Variants in PLEKHA5 observed in about 807,000 individuals in gnomAD.
PLEKHA5 encodes pleckstrin homology domain containing A5, also known as pleckstrin homology domain-containing family A member 5.
A neutral mutation model predicts 181.9 loss-of-function variants in PLEKHA5; 55 were observed. That is an observed-to-expected ratio of 0.30 (90% CI 0.24 to 0.38). The LOEUF is 0.38. PLEKHA5 is among the 10% of genes least tolerant of loss of function. The pLI is 1.00. For synonymous variants in PLEKHA5, 535 were observed against 529.4 expected, an observed-to-expected ratio of 1.01 and a Z score of -0.15; for missense variants, 1,432 against 1,549.5, an observed-to-expected ratio of 0.92 and a Z score of 1.27.
At chr12:19,224,988 C>A (rs1163556999) in intron 3 of PLEKHA5, among the ~76,000 whole-genome samples, 1 of 152,100 alleles carries the variant, frequency 6.6e-6, no homozygotes, top group African/African-American at 2.4e-5. Context: ...CATAGCAAGA[C>A]CTCATCGCCA....
At chr12:19,168,378 T>C (rs369366915) in intron 3 of PLEKHA5, among the ~76,000 whole-genome samples, 319 of 152,298 alleles carry the variant, frequency 2.1e-3, no homozygotes, top group South Asian at 1.9e-3. Context: ...CTTCAGAGTT[T>C]GTATAACCAA....
At chr12:19,188,217 T>C (rs1055060356) in intron 3 of PLEKHA5, among the ~76,000 whole-genome samples, 2 of 152,214 alleles carry the variant, frequency 1.3e-5, no homozygotes, top group Non-Finnish European at 2.9e-5. Flanking sequence ...GTGTCCAGAC[T>C]AGAATTTTAC....
intron 23 of PLEKHA5, 23 bp downstream of exon 23, chr12:19,345,911 AT>A: frequency 8.3e-7 from 1 of 1,198,756 alleles, no homozygotes; most frequent in Non-Finnish European, 1.2e-6. Flanking sequence ...TGTTTTTCTA[AT>A]TATAAATTAC....
chr12:19,342,114 A>T lies in PLEKHA5; in HGVS notation c.2551-1209A>T, dbSNP rs147305824. 6.5e-3 allele frequency among the ~76,000 whole-genome samples: 995 copies of T among 152,306 alleles called. 10 individuals carry two copies. The highest frequency in any genetic ancestry group is 0.023 in the African/African-American group (943 of 41,568). On this transcript the variant is annotated intron_variant, in intron 21 of 31. Coordinates refer to ENST00000429027, the MANE Select transcript of PLEKHA5 (RefSeq NM_001256470.2). ...TATATTCTAATATCTATAGTCATTAATAACTGATACTCAGCCAAAGAAAGT... is the reference window on the plus strand; with the variant it reads ...TATATTCTAATATCTATAGTCATTATTAACTGATACTCAGCCAAAGAAAGT...
In PLEKHA5 at chr12:19,260,981, C is replaced by G. The variant is rs778794244; in HGVS notation, c.570C>G (p.Arg190=). ...CTGGCATGAAATTGTGGAAGAAACG[C>G]TGGTTTGTGCTTTCTGACCTTTGCC... is the stretch of plus-strand genomic sequence containing the variant. ...DSTGMKLWKK[R]WFVLSDLCLF... Residue 190 remains arginine, a synonymous_variant, in exon 7 of 32, where the codon CGC becomes CGG. Transcript: ENST00000429027. 7.5e-6 allele frequency: 12 copies of G among 1,600,760 alleles called. No homozygotes were observed. In the East Asian group the frequency reaches 2.7e-4, roughly 36 times the overall value.
At chr12:19,253,310 A>G (rs369222107) in intron 3 of PLEKHA5, among the ~76,000 whole-genome samples, 2 of 151,214 alleles carry the variant, frequency 1.3e-5, no homozygotes, top group South Asian at 2.1e-4. Context: ...CCTGACCTCA[A>G]GTGATCCACC....
intron 3 of PLEKHA5, among the ~76,000 whole-genome samples, chr12:19,185,750 G>A (rs1002663019): frequency 6.6e-6 from 1 of 152,138 alleles, no homozygotes; most frequent in Non-Finnish European, 1.5e-5. Flanking sequence ...GAATGCAAAT[G>A]ATTCGGGAGT....
At chr12:19,289,452 CTTGGGAATACTTTTTAGCCTGGAATTTT>C (rs1445799123) in intron 13 of PLEKHA5, among the ~76,000 whole-genome samples, 1 of 149,726 alleles carries the variant, frequency 6.7e-6, no homozygotes. Flanking sequence ...ACAAACCAAT[CTTGGGAATACTTTTTAGCCTGGAATTTT>C]TAAGAGTACA....
At chr12:19,355,592 T>C (rs902602497) in intron 26 of PLEKHA5, among the ~76,000 whole-genome samples, 2 of 151,886 alleles carry the variant, frequency 1.3e-5, no homozygotes, top group Admixed American at 1.3e-4. Context: ...TCAAAGATAT[T>C]AAAGTACAAC....
At chr12:19,169,296 C>G (rs1444613201) in intron 3 of PLEKHA5, among the ~76,000 whole-genome samples, 1 of 151,912 alleles carries the variant, frequency 6.6e-6, no homozygotes, top group African/African-American at 2.4e-5. Flanking sequence ...TAAACTAAAG[C>G]CAACATAGAT....
intron 3 of PLEKHA5, among the ~76,000 whole-genome samples, chr12:19,217,282 G>A (rs1182185374): frequency 6.6e-6 from 1 of 152,130 alleles, no homozygotes; most frequent in Non-Finnish European, 1.5e-5. Flanking sequence ...GTAAACAAGA[G>A]AATTACACGT....
intron 3 of PLEKHA5, 23 bp downstream of exon 3, chr12:19,132,473 T>G: frequency 7.9e-7 from 1 of 1,263,920 alleles, no homozygotes; most frequent in South Asian, 1.2e-5. Flanking sequence ...ACTTTCATTT[T>G]TTTCCTTCGT....
At chr12:19,138,430 G>A (rs1302592007) in intron 3 of PLEKHA5, among the ~76,000 whole-genome samples, 2 of 151,720 alleles carry the variant, frequency 1.3e-5, no homozygotes, top group African/African-American at 4.8e-5. Context: ...AAAATTAGCC[G>A]GGTGTGGTGG....
chr12:19,326,634 A>G (rs1337098583), intron 20 of PLEKHA5, among the ~76,000 whole-genome samples: 3 of 151,976 alleles, frequency 2.0e-5, no homozygotes, highest in African/African-American at 4.8e-5. Context: ...AACTGGGTCT[A>G]TTGTGTGATG....
intron 21 of PLEKHA5, among the ~76,000 whole-genome samples, chr12:19,338,246 A>C (rs2093608899): frequency 6.6e-6 from 1 of 152,088 alleles, no homozygotes; most frequent in South Asian, 2.1e-4. Context: ...TCTGTCACCC[A>C]GGCTGGAGTG....
At chr12:19,340,855 C>T (rs2093852893) in intron 21 of PLEKHA5, among the ~76,000 whole-genome samples, 2 of 150,384 alleles carry the variant, frequency 1.3e-5, no homozygotes, top group Admixed American at 1.3e-4. Context: ...AACCAGAGAC[C>T]TTTGTTCACT....
At chr12:19,320,880 AG>A (rs1402970078) in intron 18 of PLEKHA5, 1 of 218,084 alleles carries the variant, frequency 4.6e-6, no homozygotes, top group Non-Finnish European at 8.9e-6. Flanking sequence ...TAGAAGTTAC[AG>A]ATTGGCTGGA....
At chr12:19,307,033 G>T in intron 15 of PLEKHA5, 1 of 1,482,852 alleles carries the variant, frequency 6.7e-7, no homozygotes, top group South Asian at 1.1e-5. Flanking sequence ...TGCCCTTGCT[G>T]CGCTTGGGCT....
At chr12:19,369,962 T>G (rs1287511335) in intron 31 of PLEKHA5, among the ~76,000 whole-genome samples, 164 bp downstream of exon 31, 1 of 152,270 alleles carries the variant, frequency 6.6e-6, no homozygotes, top group Non-Finnish European at 1.5e-5. Flanking sequence ...AACAGATTGC[T>G]AACATTGGCT....
Sources: gnomAD v4.1 joint callset for allele counts (sites outside exome capture counted in the v4.1 genomes callset) on GRCh38, gnomAD v4.1.1 for gene constraint, MANE v1.5 for transcripts, NCBI Gene and HGNC (gene_info 2026-07-23, HGNC 2026-07-21) for gene names.